Variants in AOX1 observed in about 807,000 individuals in gnomAD.
The protein encoded by AOX1 is aldehyde oxidase.
In AOX1, 153 loss-of-function variants were observed where a neutral mutation model predicts 169.5. The observed-to-expected ratio is 0.90, with a 90% CI of 0.79 to 1.03. The LOEUF is 1.03. Ranked by LOEUF, AOX1 falls within the 50% of genes least tolerant of loss-of-function variation. The pLI, the probability that AOX1 is intolerant of heterozygous loss-of-function variation, is 0.00. For synonymous variants in AOX1, 562 were observed against 581.9 expected (o/e 0.97, Z 0.49); for missense variants, 1,656 against 1,663.9 (o/e 1.00, Z 0.08).
intron 5 of AOX1, among the ~76,000 whole-genome samples, chr2:200,601,642 AT>A (rs200855972): frequency 1.3e-5 from 2 of 152,180 alleles, no homozygotes; most frequent in African/African-American, 4.8e-5. Flanking sequence ...TAAAAAAAAA[AT>A]TAGTTTGGCT....
At chr2:200,609,456 C>T (rs17593811) in intron 12 of AOX1, 42 bp downstream of exon 12, 522,043 of 1,542,474 alleles carry the variant, frequency 0.34, 89,476 homozygotes, top group East Asian at 0.45. Context: ...AGCTGTTTCT[C>T]TACCCCTTTT....
intron 31 of AOX1, among the ~76,000 whole-genome samples, chr2:200,664,824 C>T (rs1437430868): frequency 6.6e-6 from 1 of 152,232 alleles, no homozygotes; most frequent in Admixed American, 6.5e-5. Flanking sequence ...CTGTTCTGTA[C>T]AACAAATTAC....
In AOX1 at chr2:200,621,120, G is replaced by C; in HGVS notation, c.1875G>C (p.Val625=). 6.2e-7 allele frequency: 1 copy of C among 1,612,594 alleles called. No individual in the cohort carries two copies. The highest frequency in any genetic ancestry group is 8.5e-7 in the Non-Finnish European group (1 of 1,179,674). ...GAGCTCTGCTGTGTATATCATCTAGGTCTATTGATCTGTCAGAAGCTCTCA... is the reference window on the plus strand; with the variant it reads ...GAGCTCTGCTGTGTATATCATCTAGCTCTATTGATCTGTCAGAAGCTCTCA... ...VTSSRAHAKI[V]SIDLSEALSM... is the part of the protein sequence containing the mutation. The change falls in exon 18 of 35, where the codon GTG becomes GTC. Residue 625 remains valine, a splice_region_variant and synonymous_variant. Coordinates refer to ENST00000374700, the MANE Select transcript of AOX1 (RefSeq NM_001159.4).
chr2:200,594,229 C>T (rs1195334345), intron 2 of AOX1, among the ~76,000 whole-genome samples: 2 of 152,124 alleles, frequency 1.3e-5, no homozygotes, highest in Admixed American at 1.3e-4. Context: ...TTCAGAACCA[C>T]TGGGGATGGT....
intron 4 of AOX1, among the ~76,000 whole-genome samples, chr2:200,599,310 C>G (rs1264762500): frequency 6.6e-6 from 1 of 152,176 alleles, no homozygotes; most frequent in East Asian, 1.9e-4. Context: ...TGCCCGTGCC[C>G]CATTCCCAGA....
In AOX1 at chr2:200,670,707, G is replaced by C; in HGVS notation, c.*28G>C. The C allele has an allele frequency of 1.3e-6, 2 of 1,592,654 alleles. No individual in the cohort carries two copies. The highest frequency in any genetic ancestry group is 1.7e-6 in the Non-Finnish European group (2 of 1,162,032). ...CAAATGCAAACTTCTGGAGAAAACAGAGTGCCTCTTCCCAGATGGCAATCT... is the reference window on the plus strand; with the variant it reads ...CAAATGCAAACTTCTGGAGAAAACACAGTGCCTCTTCCCAGATGGCAATCT... On this transcript the variant is annotated 3_prime_UTR_variant, in exon 35 of 35. Coordinates refer to ENST00000374700, the MANE Select transcript of AOX1 (RefSeq NM_001159.4).
intron 25 of AOX1, among the ~76,000 whole-genome samples, chr2:200,648,023 G>C (rs1165660536): frequency 6.6e-6 from 1 of 151,850 alleles, no homozygotes; most frequent in Admixed American, 6.6e-5. Context: ...CTTTGAATTG[G>C]GCTTTGCCTT....
rs560758327 is a variant in AOX1, at chr2:200,587,586, T to C, written c.45+1433T>C. On this transcript the variant is annotated intron_variant, in intron 1 of 34. Coordinates refer to ENST00000374700, the MANE Select transcript of AOX1 (RefSeq NM_001159.4). ...ATTGTACATTAGGCCCCTCAAAAAC[T>C]TTGTCTGCCCCTGCTGCCTGGGTTC... Among the ~76,000 whole-genome samples, 5 of 152,248 alleles carry C rather than the reference T, an allele frequency of 3.3e-5. No homozygotes were observed. The South Asian group carries it at 1.0e-3, about 32-fold the overall frequency.
intron 2 of AOX1, among the ~76,000 whole-genome samples, chr2:200,594,587 G>C (rs555334750): frequency 6.6e-6 from 1 of 152,278 alleles, no homozygotes; most frequent in South Asian, 2.1e-4. Context: ...ATAGGAAGAA[G>C]TAATGAGCAA....
chr2:200,648,612 G>A (rs1469538017), intron 25 of AOX1, among the ~76,000 whole-genome samples: 1 of 152,212 alleles, frequency 6.6e-6, no homozygotes, highest in Non-Finnish European at 1.5e-5. Context: ...CTGTAGTAAT[G>A]TGGAGAGGGA....
intron 16 of AOX1, among the ~76,000 whole-genome samples, chr2:200,618,785 A>G (rs2034821242): frequency 7.2e-5 from 11 of 152,236 alleles, no homozygotes. Context: ...TAAAGCTCTC[A>G]TTATAACCAG....
Position 200,606,051 on chromosome 2 carries a change from T to C in AOX1, c.907+423T>C, listed in dbSNP as rs546984545. 6.8e-4 allele frequency among the ~76,000 whole-genome samples: 104 copies of C among 152,298 alleles called. 1 individual carries two copies. The highest frequency in any genetic ancestry group is 2.3e-3 in the African/African-American group (96 of 41,554). ...TGCTTTTAGTGTTTTAGTCATGAAG[T>C]CTTTGCCCATGCCTATGTCCTGAAT... is the stretch of plus-strand genomic sequence containing the variant. On this transcript the variant is annotated intron_variant, in intron 10 of 34. Coordinates refer to ENST00000374700, the MANE Select transcript of AOX1 (RefSeq NM_001159.4).
chr2:200,668,729 T>A lies in AOX1; in HGVS notation c.3724T>A (p.Cys1242Ser). ...GPDQYKIPAI[C>S]DMPTELHIAL... is the part of the protein sequence containing the mutation. ...AGACCAATATAAAATCCCTGCCATC[T>A]GTGACATGCCCACGGAGTTGCACAT... Residue 1242 changes from cysteine (C) to serine (S), a missense_variant, in exon 33 of 35, where the codon TGT (cysteine) becomes AGT (serine). Coordinates refer to ENST00000374700, the MANE Select transcript of AOX1 (RefSeq NM_001159.4). 1 of 1,614,230 alleles carries A rather than the reference T, an allele frequency of 6.2e-7. No homozygotes were observed. The highest frequency in any genetic ancestry group is 2.2e-5 in the East Asian group (1 of 44,884).
intron 16 of AOX1, among the ~76,000 whole-genome samples, chr2:200,618,866 T>C (rs1045582957): frequency 6.6e-6 from 1 of 152,198 alleles, no homozygotes; most frequent in African/African-American, 2.4e-5. Context: ...AACATCTGCA[T>C]GAAAAGGAAA....
chr2:200,586,153 G>C lies in AOX1; in HGVS notation c.45G>C (p.Lys15Asn). The change falls in exon 1 of 35, where the codon AAG becomes AAC. Residue 15 changes from lysine to asparagine, a missense_variant and splice_region_variant. Coordinates refer to ENST00000374700, the MANE Select transcript of AOX1 (RefSeq NM_001159.4). ...SELLFYVNGR[K>N]VIEKNVDPET... ...TGCTCTTCTACGTGAACGGCCGCAA[G>C]GTGAGCGCCCGCGGGCTTCCTCTGC... 6.4e-7 allele frequency: 1 copy of C among 1,560,300 alleles called. No individual in the cohort carries two copies. Among genetic ancestry groups the C allele is most frequent in the African/African-American group, 1.4e-5 (1 of 73,652 alleles).
At chr2:200,667,432 CT>C (rs1419090404) in intron 32 of AOX1, among the ~76,000 whole-genome samples, 1 of 151,770 alleles carries the variant, frequency 6.6e-6, no homozygotes, top group Non-Finnish European at 1.5e-5. Context: ...AGGGCACCAT[CT>C]TGTGTCCCCT....
At position 200,624,871 on chromosome 2, in the gene AOX1, C is replaced by T. The variant is rs182093595; in HGVS notation, c.2124+888C>T. 8.3e-4 allele frequency among the ~76,000 whole-genome samples: 126 copies of T among 152,208 alleles called. 1 individual carries two copies. Among genetic ancestry groups the T allele is most frequent in the Non-Finnish European group, 3.5e-4 (24 of 68,004 alleles). The stretch of plus-strand genomic sequence containing the variant: ...TAGATGAGACTCAGTCCATACAGGC[C>T]GCATGTGCTCTGGGACACAATATTA... On this transcript the variant is annotated intron_variant, in intron 19 of 34. Coordinates refer to ENST00000374700, the MANE Select transcript of AOX1 (RefSeq NM_001159.4).
rs563639199 is a variant in AOX1, at chr2:200,642,516, G to A, written c.2656-94G>A. The A allele has an allele frequency of 2.2e-5, 21 of 944,412 alleles. No individual in the cohort carries two copies. In the African/African-American group the frequency reaches 3.2e-4, roughly 14 times the overall value. 58.5% of individuals were successfully genotyped at this position (944,412 alleles called of 1,614,324 possible). ...TAGCATGTTAGATGAGATGAAAAGA[G>A]AGCTGCCATTTTCGGCCTGGTTTTG... On this transcript the variant is annotated intron_variant, in intron 24 of 34. Coordinates refer to ENST00000374700, the MANE Select transcript of AOX1 (RefSeq NM_001159.4).
chr2:200,639,120 T>A (rs1041723367), intron 23 of AOX1, among the ~76,000 whole-genome samples: 1 of 152,214 alleles, frequency 6.6e-6, no homozygotes, highest in African/African-American at 2.4e-5. Flanking sequence ...ATATTCCAAG[T>A]GCTCAGTAGG....
Sources: gnomAD v4.1 joint callset for allele counts (sites outside exome capture counted in the v4.1 genomes callset) on GRCh38, gnomAD v4.1.1 for gene constraint, MANE v1.5 for transcripts, NCBI Gene and HGNC (gene_info 2026-07-23, HGNC 2026-07-21) for gene names.